CYP2C19: variants seen among roughly 807,000 people sequenced by gnomAD.
CYP2C19 encodes the protein cytochrome P450 2C19.
A neutral mutation model predicts 40.9 loss-of-function variants in CYP2C19; 59 were observed. The observed-to-expected ratio is 1.44, with a 90% CI of 1.17 to 1.79. CYP2C19 has a LOEUF of 1.79. Among genes scored for constraint, CYP2C19 ranks in the 40% most tolerant of loss-of-function variants. The probability of loss-of-function intolerance (pLI) is 0.00; values close to 1 mark genes in which losing one functional copy is unlikely to be tolerated. For synonymous variants in CYP2C19, 253 were observed against 208.7 expected (o/e 1.21, Z -1.83); for missense variants, 754 against 596.9 (o/e 1.26, Z -2.74).
chr10:94,791,837 A>G (rs1203195888), intron 5 of CYP2C19, among the ~76,000 whole-genome samples: 1 of 152,120 alleles, frequency 6.6e-6, no homozygotes, highest in Non-Finnish European at 1.5e-5. Context: ...AAGAATGTAT[A>G]TTCTGTTGAT....
intron 5 of CYP2C19, among the ~76,000 whole-genome samples, chr10:94,791,975 C>T (rs1046938790): frequency 1.3e-5 from 2 of 152,004 alleles, no homozygotes; most frequent in Non-Finnish European, 2.9e-5. Context: ...TTAAAGCCTC[C>T]CATTATTATT....
At chr10:94,820,951 G>A (rs1396910419) in intron 6 of CYP2C19, among the ~76,000 whole-genome samples, 3 of 152,128 alleles carry the variant, frequency 2.0e-5, no homozygotes, top group Admixed American at 2.0e-4. Context: ...GGGCATTGTG[G>A]CACACCACTG....
intron 5 of CYP2C19, among the ~76,000 whole-genome samples, chr10:94,811,414 T>C (rs964496629): frequency 3.3e-5 from 5 of 152,088 alleles, no homozygotes; most frequent in African/African-American, 1.2e-4. Context: ...GTCCAGAGCT[T>C]AGTTCAAGTC....
At chr10:94,782,446 A>T (rs1352549130) in intron 5 of CYP2C19, among the ~76,000 whole-genome samples, 1 of 152,170 alleles carries the variant, frequency 6.6e-6, no homozygotes, top group African/African-American at 2.4e-5. Flanking sequence ...CGATCATTAA[A>T]AAGTCAGGAT....
At chr10:94,786,316 C>A (rs1019935473) in intron 5 of CYP2C19, among the ~76,000 whole-genome samples, 6 of 152,002 alleles carry the variant, frequency 3.9e-5, no homozygotes, top group African/African-American at 1.2e-4. Flanking sequence ...ATTTTTAGAT[C>A]ACTTTGAGGA....
At chr10:94,774,006 T>G (rs536459697) in intron 1 of CYP2C19, 9 of 152,302 alleles carry the variant, frequency 5.9e-5, no homozygotes, top group African/African-American at 2.2e-4. Context: ...GAGCATTGAT[T>G]GGTACATTTT....
chr10:94,806,735 G>A (rs1848841773), intron 5 of CYP2C19, among the ~76,000 whole-genome samples: 1 of 147,972 alleles, frequency 6.8e-6, no homozygotes, highest in South Asian at 2.1e-4. Context: ...TATTATTATT[G>A]ATATATTATA....
intron 8 of CYP2C19, among the ~76,000 whole-genome samples, chr10:94,852,203 C>T (rs1849663824): frequency 6.6e-6 from 1 of 151,862 alleles, no homozygotes; most frequent in Non-Finnish European, 1.5e-5. Context: ...GATCTTATCC[C>T]ATAGGACAGA....
At chr10:94,776,104 C>G (rs1268785987) in intron 3 of CYP2C19, 1 of 153,780 alleles carries the variant, frequency 6.5e-6, no homozygotes, top group Non-Finnish European at 1.4e-5. Flanking sequence ...TAGTGTAGTT[C>G]TCATCAGCTT....
At chr10:94,827,647 T>C (rs972599090) in intron 6 of CYP2C19, among the ~76,000 whole-genome samples, 11 of 152,232 alleles carry the variant, frequency 7.2e-5, no homozygotes, top group Non-Finnish European at 1.5e-4. Flanking sequence ...GAAGGGTCTT[T>C]TGTGTGTCTC....
intron 5 of CYP2C19, among the ~76,000 whole-genome samples, chr10:94,818,686 C>T (rs1323767468): frequency 1.3e-5 from 2 of 149,770 alleles, no homozygotes; most frequent in Non-Finnish European, 3.0e-5. Context: ...ATTCGGCTCT[C>T]TGTTTGTCTG....
Position 94,798,972 on chromosome 10 carries a change from G to A in CYP2C19, c.819+16975G>A, listed in dbSNP as rs545815755. Among the ~76,000 whole-genome samples the A allele has an allele frequency of 3.1e-3, 471 of 151,836 alleles. 3 individuals are homozygous for A. Among genetic ancestry groups the A allele is most frequent in the African/African-American group, 0.011 (448 of 41,432 alleles). ...TTTTTATCCGATTTTACAGTGTGTG[G>A]CTTTTAATTGGGGCACTTAGCCCAT... On this transcript the variant is annotated intron_variant, in intron 5 of 8. Transcript: ENST00000371321.
intron 3 of CYP2C19, 116 bp from the exon 4 acceptor site, chr10:94,780,378 TAAGGG>T: frequency 1.5e-6 from 2 of 1,312,084 alleles, no homozygotes; most frequent in Admixed American, 2.4e-5. Context: ...TTTTTGCTTT[TAAGGG>T]AATTCATAGG....
Position 94,789,430 on chromosome 10 carries a change from C to G in CYP2C19, c.819+7433C>G, listed in dbSNP as rs9972192. On this transcript the variant is annotated intron_variant, in intron 5 of 8. Coordinates refer to ENST00000371321, the MANE Select transcript of CYP2C19 (RefSeq NM_000769.4). Reference sequence around the variant, plus strand: ...ATAAAGTCCTTGCCCATGCCTATGTCCTGAATGGTATTGCGTAGGTTTTCT... The same window carrying G: ...ATAAAGTCCTTGCCCATGCCTATGTGCTGAATGGTATTGCGTAGGTTTTCT... Among the ~76,000 whole-genome samples, 55 of 152,062 alleles carry G rather than the reference C, an allele frequency of 3.6e-4. 2 individuals are homozygous for G. The South Asian group carries it at 0.011, about 32-fold the overall frequency.
chr10:94,806,976 T>C (rs553689037), intron 5 of CYP2C19, among the ~76,000 whole-genome samples: 166 of 152,220 alleles, frequency 1.1e-3, no homozygotes, highest in African/African-American at 3.9e-3. Context: ...TACACTGCTA[T>C]AGAATACTAT....
chr10:94,833,752 A>T lies in CYP2C19; in HGVS notation c.962-9085A>T, dbSNP rs192141371. Among the ~76,000 whole-genome samples, 240 of 152,336 alleles carry T rather than the reference A, an allele frequency of 1.6e-3. 1 individual carries two copies. Among genetic ancestry groups the T allele is most frequent in the Non-Finnish European group, 2.7e-3 (187 of 68,020 alleles). On this transcript the variant is annotated intron_variant, in intron 6 of 8. Transcript: ENST00000371321. Reference sequence around the variant, plus strand: ...CAAATACTTTTTCAGCATCAACTGAAATGATCATATGGTTTTTATCCTTCA... The same window carrying T: ...CAAATACTTTTTCAGCATCAACTGATATGATCATATGGTTTTTATCCTTCA...
At chr10:94,820,437 A>G in intron 5 of CYP2C19, 59 bp from the exon 6 acceptor site, 4 of 1,585,294 alleles carry the variant, frequency 2.5e-6, no homozygotes, top group Non-Finnish European at 3.5e-6. Flanking sequence ...TTTTGAATTT[A>G]CTGTCATCAA....
intron 8 of CYP2C19, among the ~76,000 whole-genome samples, chr10:94,852,355 C>T (rs77088779): frequency 3.1e-4 from 47 of 152,310 alleles, no homozygotes; most frequent in African/African-American, 1.1e-3. Flanking sequence ...GCCTCCTCCC[C>T]TAAGCCCTTC....
intron 1 of CYP2C19, among the ~76,000 whole-genome samples, chr10:94,764,412 A>T (rs901401812): frequency 1.3e-5 from 2 of 152,192 alleles, no homozygotes; most frequent in Non-Finnish European, 2.9e-5. Flanking sequence ...GTGCATCTGC[A>T]AACCTTTAGC....
Sources: gnomAD v4.1 joint callset for allele counts (sites outside exome capture counted in the v4.1 genomes callset) on GRCh38, gnomAD v4.1.1 for gene constraint, MANE v1.5 for transcripts, NCBI Gene and HGNC (gene_info 2026-07-23, HGNC 2026-07-21) for gene names.